Variants in LRPAP1 observed in about 807,000 individuals in gnomAD.
LRPAP1 encodes the protein LDL receptor related protein associated protein 1.
In LRPAP1, 41 loss-of-function variants were observed where a neutral mutation model predicts 39.9. The ratio of observed to expected loss-of-function variants is 1.03; its 90% CI spans 0.80 to 1.33. LRPAP1 has a LOEUF of 1.33. Ranked by LOEUF, LRPAP1 falls within the 40% of genes most tolerant of loss-of-function variation. The probability of loss-of-function intolerance (pLI) is 0.00; values close to 1 mark genes in which losing one functional copy is unlikely to be tolerated. For missense variants in LRPAP1, 565 were observed against 482.3 expected (o/e 1.17, Z -1.61); for synonymous variants, 263 against 212.7 (o/e 1.24, Z -2.06).
In LRPAP1 at chr4:3,532,344, G is replaced by A. The variant is rs2108701155; in HGVS notation, c.69C>T (p.Leu23=). The change falls in exon 1 of 8, where the codon CTC becomes CTT. Residue 23 remains leucine (L), a synonymous_variant. Transcript: ENST00000650182. The stretch of plus-strand genomic sequence containing the variant: ...CGTGGCTCGCAGCGGGCCAGGGCCC[G>A]AGGAAGAGCAGCAGCAGTAGCAGCG... ...LPALLLLLLF[L]GPWPAASHGG... 1.3e-6 allele frequency: 2 copies of A among 1,593,138 alleles called. No individual in the cohort carries two copies. Among genetic ancestry groups the A allele is most frequent in the Non-Finnish European group, 1.7e-6 (2 of 1,170,182 alleles).
chr4:3,514,838 C>T lies in LRPAP1; in HGVS notation c.925G>A (p.Glu309Lys). Residue 309 changes from glutamate to lysine, a missense_variant, in exon 7 of 8, where the codon GAG becomes AAG. Coordinates refer to ENST00000650182, the MANE Select transcript of LRPAP1 (RefSeq NM_002337.4). Reference sequence around the variant, plus strand: ...ACACGCTCGCCGTCGCCCACGCTCTCTGCGTGCCTCAGCTTCTCGTGCGCA... The same window carrying T: ...ACACGCTCGCCGTCGCCCACGCTCTTTGCGTGCCTCAGCTTCTCGTGCGCA... ...EIAHEKLRHA[E>K]SVGDGERVSR... 1 of 1,613,738 alleles carries T rather than the reference C, an allele frequency of 6.2e-7. No individual in the cohort carries two copies. The highest frequency in any genetic ancestry group is 8.5e-7 in the Non-Finnish European group (1 of 1,179,912).
intron 2 of LRPAP1, among the ~76,000 whole-genome samples, chr4:3,522,283 G>A (rs544378588): frequency 5.2e-4 from 79 of 152,354 alleles, no homozygotes; most frequent in Non-Finnish European, 9.6e-4. Context: ...CTTCCTAGTT[G>A]GAGCCAAAAG....
intron 1 of LRPAP1, among the ~76,000 whole-genome samples, chr4:3,527,134 G>A (rs1730101910): frequency 6.6e-6 from 1 of 152,050 alleles, no homozygotes; most frequent in Admixed American, 6.5e-5. Context: ...TGCAGGGGCT[G>A]CTTTCCAGGA....
At chr4:3,528,928 G>GT (rs1396262505) in intron 1 of LRPAP1, among the ~76,000 whole-genome samples, 1 of 152,204 alleles carries the variant, frequency 6.6e-6, no homozygotes, top group Non-Finnish European at 1.5e-5. Flanking sequence ...GTGGGGCTCT[G>GT]AGGGCTCCTC....
chr4:3,527,617 G>C (rs1730119621), intron 1 of LRPAP1, among the ~76,000 whole-genome samples: 1 of 152,224 alleles, frequency 6.6e-6, no homozygotes, highest in Admixed American at 6.5e-5. Context: ...CAGCACCCTG[G>C]GGCAGGCAAT....
At chr4:3,525,263 C>G in intron 1 of LRPAP1, 1 of 565,764 alleles carries the variant, frequency 1.8e-6, no homozygotes, top group Non-Finnish European at 3.2e-6. Flanking sequence ...ATACACGATC[C>G]GGAAACCCCA....
chr4:3,531,153 G>A (rs951386929), intron 1 of LRPAP1, among the ~76,000 whole-genome samples: 3 of 152,098 alleles, frequency 2.0e-5, no homozygotes, highest in Non-Finnish European at 2.9e-5. Flanking sequence ...ACCTCCGCAG[G>A]CTGAACATTA....
chr4:3,526,442 A>C (rs1254304873), intron 1 of LRPAP1, among the ~76,000 whole-genome samples: 1 of 152,264 alleles, frequency 6.6e-6, no homozygotes, highest in African/African-American at 2.4e-5. Flanking sequence ...ATTTTCTAAC[A>C]TAAATACAAC....
intron 1 of LRPAP1, among the ~76,000 whole-genome samples, chr4:3,531,575 C>G (rs942421533): frequency 6.6e-6 from 1 of 152,204 alleles, no homozygotes; most frequent in African/African-American, 2.4e-5. Context: ...CCGGGGGGCC[C>G]CACCGGCCGA....
At position 3,512,187 on chromosome 4, in the gene LRPAP1, G is replaced by C. The variant is rs573787518; in HGVS notation, c.*787C>G. On this transcript the variant is annotated 3_prime_UTR_variant, in exon 8 of 8. Transcript: ENST00000650182. The stretch of plus-strand genomic sequence containing the variant: ...GACCTGAGCAACCGCCAGTCCATCA[G>C]CTATGGTCAGAGGAAGGCCTCCGTG... 1 of 152,558 alleles carries C rather than the reference G, an allele frequency of 6.6e-6. No homozygotes were observed. The highest frequency in any genetic ancestry group is 1.9e-4 in the East Asian group (1 of 5,188). The allele number at this position is 152,558 out of a possible 1,614,324, so 9.5% of individuals were successfully genotyped here.
intron 3 of LRPAP1, among the ~76,000 whole-genome samples, chr4:3,519,383 C>A (rs1245344827): frequency 1.3e-5 from 2 of 152,216 alleles, no homozygotes; most frequent in East Asian, 1.9e-4. Context: ...CACCTGCCTC[C>A]TGGTTGTGAG....
At chr4:3,530,848 G>A (rs1730229092) in intron 1 of LRPAP1, among the ~76,000 whole-genome samples, 1 of 152,126 alleles carries the variant, frequency 6.6e-6, no homozygotes, top group Non-Finnish European at 1.5e-5. Flanking sequence ...AAAGGGAGCC[G>A]CTGGGGTTCC....
At chr4:3,527,352 T>G (rs570634418) in intron 1 of LRPAP1, among the ~76,000 whole-genome samples, 22 of 152,280 alleles carry the variant, frequency 1.4e-4, no homozygotes, top group African/African-American at 5.1e-4. Context: ...GATCTGAGCA[T>G]TCCCAGCAGG....
intron 2 of LRPAP1, among the ~76,000 whole-genome samples, chr4:3,521,250 G>A (rs529440417): frequency 3.3e-5 from 5 of 152,302 alleles, no homozygotes; most frequent in South Asian, 4.1e-4. Context: ...CTTCCCCTCC[G>A]GGCCGAGAGG....
chr4:3,528,297 C>T (rs962528828), intron 1 of LRPAP1, among the ~76,000 whole-genome samples: 1 of 152,346 alleles, frequency 6.6e-6, no homozygotes, highest in Middle Eastern at 3.4e-3. Context: ...GCTGATCAAA[C>T]GACGCCGGTC....
chr4:3,529,353 A>C (rs1358960302), intron 1 of LRPAP1, among the ~76,000 whole-genome samples: 4 of 151,890 alleles, frequency 2.6e-5, no homozygotes, highest in Non-Finnish European at 5.9e-5. Flanking sequence ...AAACCAAAAA[A>C]ACTAAGGACC....
intron 2 of LRPAP1, among the ~76,000 whole-genome samples, chr4:3,521,996 T>C (rs905004275): frequency 2.6e-5 from 4 of 152,162 alleles, no homozygotes; most frequent in Admixed American, 6.5e-5. Context: ...ATTAAATAAA[T>C]AATACCGGCT....
At chr4:3,514,694 G>A (rs546253827) in intron 7 of LRPAP1, 58 bp downstream of exon 7, 14 of 1,535,742 alleles carry the variant, frequency 9.1e-6, no homozygotes, top group Admixed American at 1.9e-5. Context: ...GCATGTGGGC[G>A]GCCTCATCTT....
chr4:3,522,297 T>C (rs994367900), intron 2 of LRPAP1, among the ~76,000 whole-genome samples: 1 of 152,220 alleles, frequency 6.6e-6, no homozygotes, highest in African/African-American at 2.4e-5. Context: ...CCAAAAGCTC[T>C]GAGCCAGAGC....
Sources: gnomAD v4.1 joint callset for allele counts (sites outside exome capture counted in the v4.1 genomes callset) on GRCh38, gnomAD v4.1.1 for gene constraint, MANE v1.5 for transcripts, NCBI Gene and HGNC (gene_info 2026-07-23, HGNC 2026-07-21) for gene names.